Variants in ZNF804A observed in about 807,000 individuals in gnomAD.
ZNF804A encodes the protein zinc finger protein 804A.
Under a neutral mutation model 16.5 loss-of-function variants are expected in ZNF804A, and 2 were observed. That is an observed-to-expected ratio of 0.12 (90% CI 0.05 to 0.38). The LOEUF (loss-of-function observed/expected upper bound fraction) is 0.38. ZNF804A is among the 10% of genes least tolerant of loss of function. ZNF804A has a pLI of 0.99. For missense variants in ZNF804A, 1,473 were observed against 1,390.7 expected, an observed-to-expected ratio of 1.06 and a Z score of -0.94; for synonymous variants, 534 against 489.6, an observed-to-expected ratio of 1.09 and a Z score of -1.20.
chr2:184,777,438 A>G (rs1027086458), intron 1 of ZNF804A, among the ~76,000 whole-genome samples: 5 of 151,398 alleles, frequency 3.3e-5, no homozygotes, highest in African/African-American at 1.2e-4. Context: ...TTCCTTCCCT[A>G]TTGGTTTACA....
chr2:184,723,574 C>A lies in ZNF804A; in HGVS notation c.111+124504C>A, dbSNP rs115338731. 8.6e-3 allele frequency among the ~76,000 whole-genome samples: 1,307 copies of A among 151,794 alleles called. 22 individuals are homozygous for A. The highest frequency in any genetic ancestry group is 0.03 in the African/African-American group (1,249 of 41,494). ...TTATTTTATAGGAACACCATTCAAC[C>A]ATTACATATTAGTGTTTTCATCCGA... On this transcript the variant is annotated intron_variant, in intron 1 of 3. Coordinates refer to ENST00000302277, the MANE Select transcript of ZNF804A (RefSeq NM_194250.2).
intron 1 of ZNF804A, among the ~76,000 whole-genome samples, chr2:184,676,496 T>C (rs1692438413): frequency 6.6e-6 from 1 of 151,640 alleles, no homozygotes; most frequent in South Asian, 2.1e-4. Flanking sequence ...TAATTGAATC[T>C]AAGTTAATAA....
chr2:184,885,812 C>CATG (rs1684879901), intron 2 of ZNF804A, among the ~76,000 whole-genome samples: 1 of 152,102 alleles, frequency 6.6e-6, no homozygotes, highest in Non-Finnish European at 1.5e-5. Context: ...GACCGGGCCC[C>CATG]ATGATTTAAT....
In ZNF804A at chr2:184,787,294, G is replaced by T. The variant is rs79079179; in HGVS notation, c.112-79075G>T. Among the ~76,000 whole-genome samples the T allele has an allele frequency of 7.8e-3, 1,192 of 151,878 alleles. 39 individuals carry two copies. In the East Asian group the frequency reaches 0.08, roughly 10 times the overall value. On this transcript the variant is annotated intron_variant, in intron 1 of 3. Transcript: ENST00000302277. ...AGGTTGGTTTCATGACTTTACTATTGTAAAGAGTGCTGCAGTAATCATATA... is the reference window on the plus strand; with the variant it reads ...AGGTTGGTTTCATGACTTTACTATTTTAAAGAGTGCTGCAGTAATCATATA...
intron 1 of ZNF804A, among the ~76,000 whole-genome samples, chr2:184,820,043 T>A (rs1179632302): frequency 6.6e-6 from 1 of 151,638 alleles, no homozygotes; most frequent in Non-Finnish European, 1.5e-5. Flanking sequence ...TTAAAAACAA[T>A]GGACTCCTCT....
intron 1 of ZNF804A, among the ~76,000 whole-genome samples, chr2:184,860,432 A>G (rs1695781582): frequency 6.6e-6 from 1 of 152,200 alleles, no homozygotes; most frequent in Admixed American, 6.5e-5. Context: ...CAGTGAATGA[A>G]CCTAGATTAT....
chr2:184,815,238 G>A (rs569038266), intron 1 of ZNF804A, among the ~76,000 whole-genome samples: 1 of 151,802 alleles, frequency 6.6e-6, no homozygotes, highest in African/African-American at 2.4e-5. Flanking sequence ...AGTACCGATA[G>A]ATGCTGTTAA....
intron 1 of ZNF804A, among the ~76,000 whole-genome samples, chr2:184,736,780 G>A (rs1003170091): frequency 6.0e-5 from 9 of 150,736 alleles, no homozygotes; most frequent in Non-Finnish European, 8.9e-5. Flanking sequence ...TGGTTAATTC[G>A]TTTTCTAATT....
chr2:184,602,110 A>T (rs10203158), intron 1 of ZNF804A, among the ~76,000 whole-genome samples: 80,589 of 151,624 alleles, frequency 0.53, 22,808 homozygotes, highest in East Asian at 0.81. Context: ...TCTATAGGTC[A>T]TATTATACCA....
rs373616876 is a variant in ZNF804A, at chr2:184,935,912, T to G, written c.516T>G (p.His172Gln). The change falls in exon 4 of 4, where the codon CAT (histidine) becomes CAG (glutamine). Residue 172 changes from histidine to glutamine, a missense_variant. Transcript: ENST00000302277. ...AAGATTTCAAATATACTTTGATTCA[T>G]AGTGAAGAGAATACTAAAGATGCTA... is the stretch of plus-strand genomic sequence containing the variant. ...NQQDFKYTLI[H>Q]SEENTKDATT... 1 of 1,613,984 alleles carries G rather than the reference T, an allele frequency of 6.2e-7. No homozygotes were observed. Among genetic ancestry groups the G allele is most frequent in the South Asian group, 1.1e-5 (1 of 91,080 alleles).
chr2:184,856,578 T>G (rs569003100), intron 1 of ZNF804A, among the ~76,000 whole-genome samples: 125 of 152,176 alleles, frequency 8.2e-4, no homozygotes, highest in African/African-American at 3.0e-3. Context: ...AGAAAATGAT[T>G]GTTTATCAGT....
At chr2:184,922,027 A>G (rs1188987835) in intron 2 of ZNF804A, among the ~76,000 whole-genome samples, 2 of 151,998 alleles carry the variant, frequency 1.3e-5, no homozygotes, top group East Asian at 3.8e-4. Flanking sequence ...GCTGATGGAG[A>G]CTTAGGCTGC....
At chr2:184,836,394 A>G (rs1445758165) in intron 1 of ZNF804A, among the ~76,000 whole-genome samples, 1 of 152,104 alleles carries the variant, frequency 6.6e-6, no homozygotes. Context: ...CACTGGGAAT[A>G]AGTCATTACA....
chr2:184,800,292 T>C (rs561981318), intron 1 of ZNF804A, among the ~76,000 whole-genome samples: 8 of 151,926 alleles, frequency 5.3e-5, no homozygotes, highest in Non-Finnish European at 1.2e-4. Context: ...GAAATTCTCA[T>C]TGAAGTATTT....
rs377227022 is a variant in ZNF804A at position 184,781,751 on chromosome 2, C to CAAGAGAAAA, written c.112-84617_112-84609dup. On this transcript the variant is annotated intron_variant, in intron 1 of 3. Coordinates refer to ENST00000302277, the MANE Select transcript of ZNF804A (RefSeq NM_194250.2). The stretch of plus-strand genomic sequence containing the variant: ...TCTACTTTTTTGCATCATCTTTGTG[C>CAAGAGAAAA]AAGAGAAAACAATCTTTCTGAAAAT... Among the ~76,000 whole-genome samples the CAAGAGAAAA allele has an allele frequency of 2.2e-3, 328 of 151,810 alleles. 1 individual carries two copies. Among genetic ancestry groups the CAAGAGAAAA allele is most frequent in the Middle Eastern group, 6.8e-3 (2 of 294 alleles).
intron 1 of ZNF804A, among the ~76,000 whole-genome samples, chr2:184,631,656 T>C (rs1691611365): frequency 6.6e-6 from 1 of 152,218 alleles, no homozygotes; most frequent in Non-Finnish European, 1.5e-5. Context: ...AGTGGAATTC[T>C]GTCCACTTTT....
intron 2 of ZNF804A, among the ~76,000 whole-genome samples, chr2:184,866,791 C>T (rs1695883339): frequency 1.3e-5 from 2 of 150,222 alleles, no homozygotes; most frequent in Non-Finnish European, 1.5e-5. Flanking sequence ...AAACAATATT[C>T]TACAAGTGAT....
intron 1 of ZNF804A, among the ~76,000 whole-genome samples, chr2:184,614,106 A>G (rs545907907): frequency 1.3e-5 from 2 of 152,292 alleles, no homozygotes; most frequent in East Asian, 3.9e-4. Flanking sequence ...AATGGAACAG[A>G]ACAGAGGCCT....
intron 2 of ZNF804A, among the ~76,000 whole-genome samples, chr2:184,871,065 G>T (rs987191308): frequency 6.7e-6 from 1 of 150,216 alleles, no homozygotes; most frequent in Non-Finnish European, 1.5e-5. Context: ...TTCATCAGAA[G>T]AGCATACAAG....
Sources: allele counts gnomAD v4.1 joint callset (sites outside exome capture counted in the v4.1 genomes callset), GRCh38; gene constraint gnomAD v4.1.1; transcripts MANE v1.5; gene names NCBI Gene and HGNC (gene_info 2026-07-23, HGNC 2026-07-21).